Variants in ATP2C2 observed in about 807,000 individuals in gnomAD.
The protein encoded by ATP2C2 is calcium-transporting ATPase type 2C member 2.
In ATP2C2, 171 loss-of-function variants were observed where a neutral mutation model predicts 110.8. The observed-to-expected ratio is 1.54, with a 90% CI of 1.36 to 1.75. ATP2C2 has a LOEUF of 1.75. Ranked by LOEUF, ATP2C2 falls within the 40% of genes most tolerant of loss-of-function variation. The pLI is 0.00. For missense variants in ATP2C2, 1,963 were observed against 1,235.0 expected (o/e 1.59, Z -8.84); for synonymous variants, 804 against 508.4 (o/e 1.58, Z -7.82).
In ATP2C2 at chr16:84,423,235, A is replaced by G. The variant is rs753817918; in HGVS notation, c.891A>G (p.Gln297=). Residue 297 remains glutamine (Q), a synonymous_variant, in exon 10 of 27, where the codon CAA becomes CAG. Coordinates refer to ENST00000262429, the MANE Select transcript of ATP2C2 (RefSeq NM_014861.4). ...AAAGCATGGACAGGCTAGGAAAGCA[A>G]CTGACACTCTTCTCCTTTGGCATAA... ...LQKSMDRLGK[Q]LTLFSFGIIG... is the part of the protein sequence containing the mutation. The G allele has an allele frequency of 6.2e-7, 1 of 1,614,158 alleles. No individual in the cohort carries two copies. Among genetic ancestry groups the G allele is most frequent in the Non-Finnish European group, 8.5e-7 (1 of 1,180,014 alleles).
Position 84,416,181 on chromosome 16 carries a change from G to A in ATP2C2, c.624+590G>A, listed in dbSNP as rs2150534128. On this transcript the variant is annotated intron_variant, in intron 7 of 26. Coordinates refer to ENST00000262429, the MANE Select transcript of ATP2C2 (RefSeq NM_014861.4). Reference sequence around the variant, plus strand: ...AGAGCGAGAAGCACACGCTTTTAGAGTAGTGAGGTTTGGGGACATTGGCTG... The same window carrying A: ...AGAGCGAGAAGCACACGCTTTTAGAATAGTGAGGTTTGGGGACATTGGCTG... Among the ~76,000 whole-genome samples the A allele has an allele frequency of 2.0e-5, 3 of 152,284 alleles. No individual in the cohort carries two copies. The South Asian group carries it at 6.2e-4, about 32-fold the overall frequency.
chr16:84,452,687 C>T (rs531201525), intron 18 of ATP2C2, among the ~76,000 whole-genome samples: 38 of 151,974 alleles, frequency 2.5e-4, no homozygotes, highest in Non-Finnish European at 4.1e-4. Context: ...TTAGTAGAGA[C>T]GGGGTTTCAC....
chr16:84,461,337 A>T (rs1199156879), intron 24 of ATP2C2: 2 of 326,762 alleles, frequency 6.1e-6, no homozygotes, highest in South Asian at 4.3e-5. Context: ...CCCTGCCTCC[A>T]TTTTCCCTCC....
chr16:84,398,113 A>T (rs908506891), intron 1 of ATP2C2, among the ~76,000 whole-genome samples: 9 of 151,782 alleles, frequency 5.9e-5, no homozygotes, highest in Admixed American at 2.0e-4. Context: ...TTTAAAAAAA[A>T]CACATGTGGC....
In ATP2C2 at chr16:84,460,681, C is replaced by G. The variant is rs767058432; in HGVS notation, c.2361C>G (p.Asp787Glu). The G allele has an allele frequency of 1.4e-5, 23 of 1,614,126 alleles. No homozygotes were observed. In the South Asian group the frequency reaches 2.3e-4, roughly 16 times the overall value. Residue 787 changes from aspartate (D) to glutamate (E), a missense_variant, in exon 24 of 27, where the codon GAC becomes GAG. Physicochemically the swap from Asp to Glu is conservative, Grantham distance 45. Transcript: ENST00000262429. ...TGGGGGTAGAGCCCGTTGACAAAGA[C>G]GCCTTCAGGCAGCCACCACGGAGTG... ...QSLGVEPVDK[D>E]AFRQPPRSVR...
intron 1 of ATP2C2, among the ~76,000 whole-genome samples, chr16:84,398,088 G>A (rs1905101678): frequency 6.6e-6 from 1 of 151,800 alleles, no homozygotes; most frequent in Admixed American, 6.6e-5. Flanking sequence ...CACACTGTGT[G>A]TGTGTGTTTT....
chr16:84,450,361 C>A (rs1910146652), intron 17 of ATP2C2, among the ~76,000 whole-genome samples: 4 of 152,128 alleles, frequency 2.6e-5, no homozygotes, highest in Non-Finnish European at 1.5e-5. Flanking sequence ...TTAGAGAGGC[C>A]CCCAACCTGC....
chr16:84,455,065 GAT>G, intron 21 of ATP2C2, 81 bp downstream of exon 21: 1 of 1,245,828 alleles, frequency 8.0e-7, no homozygotes, highest in Non-Finnish European at 1.1e-6. Flanking sequence ...CTACTGTGGA[GAT>G]AGAGGGGGGG....
intron 1 of ATP2C2, among the ~76,000 whole-genome samples, chr16:84,369,948 T>C (rs1567679167): frequency 6.6e-6 from 1 of 152,246 alleles, no homozygotes. Context: ...TGTGATCCAT[T>C]TCTCTGCTTC....
At chr16:84,403,045 T>A (rs1273603749) in intron 2 of ATP2C2, among the ~76,000 whole-genome samples, 1 of 152,200 alleles carries the variant, frequency 6.6e-6, no homozygotes, top group Non-Finnish European at 1.5e-5. Context: ...ATCCATTTCT[T>A]CTATATTTTC....
At chr16:84,411,439 A>G (rs1160391334) in intron 6 of ATP2C2, among the ~76,000 whole-genome samples, 1 of 152,066 alleles carries the variant, frequency 6.6e-6, no homozygotes, top group Admixed American at 6.6e-5. Context: ...GCATCTGACA[A>G]TTCTTTTTTT....
intron 15 of ATP2C2, among the ~76,000 whole-genome samples, chr16:84,444,049 C>A (rs1297974914): frequency 3.3e-5 from 5 of 150,990 alleles, no homozygotes; most frequent in African/African-American, 1.2e-4. Context: ...TGCCTGTGGT[C>A]CCAGCTACTC....
chr16:84,397,815 A>G (rs1905087546), intron 1 of ATP2C2, among the ~76,000 whole-genome samples: 2 of 151,870 alleles, frequency 1.3e-5, no homozygotes, highest in Non-Finnish European at 2.9e-5. Context: ...TACTGTTGCT[A>G]CATGCATTCT....
chr16:84,423,373 C>A, intron 10 of ATP2C2, 110 bp downstream of exon 10: 1 of 1,039,272 alleles, frequency 9.6e-7, no homozygotes, highest in Non-Finnish European at 1.5e-6. Flanking sequence ...CTGCATAAGG[C>A]TTGGGGATTG....
At position 84,402,640 on chromosome 16, in the gene ATP2C2, T is replaced by A. The variant is rs748795502; in HGVS notation, c.211-2488T>A. 3.1e-4 allele frequency among the ~76,000 whole-genome samples: 47 copies of A among 152,222 alleles called. 1 individual carries two copies. Among genetic ancestry groups the A allele is most frequent in the African/African-American group, 1.1e-3 (46 of 41,454 alleles). ...ACCATCCTTGCACCCTTGGGATAAA[T>A]TCCTTTTGGTCATGATGAATTTTCA... On this transcript the variant is annotated intron_variant, in intron 2 of 26. Coordinates refer to ENST00000262429, the MANE Select transcript of ATP2C2 (RefSeq NM_014861.4).
chr16:84,431,097 C>A (rs748463375), intron 11 of ATP2C2, among the ~76,000 whole-genome samples: 1 of 152,018 alleles, frequency 6.6e-6, no homozygotes. Flanking sequence ...CTGGAGTTTT[C>A]TGGCTGGGGA....
At chr16:84,412,435 TGTATG>T (rs1906433594) in intron 6 of ATP2C2, among the ~76,000 whole-genome samples, 1 of 150,284 alleles carries the variant, frequency 6.7e-6, no homozygotes, top group Admixed American at 6.8e-5. Flanking sequence ...TGTGCGTGTG[TGTATG>T]CATGTGTGTG....
At chr16:84,412,490 G>C (rs1354561348) in intron 6 of ATP2C2, among the ~76,000 whole-genome samples, 1 of 141,306 alleles carries the variant, frequency 7.1e-6, no homozygotes, top group Non-Finnish European at 1.5e-5. Flanking sequence ...GTGTATGTGT[G>C]CATGTGTGTA....
At chr16:84,426,187 C>T (rs541460106) in intron 11 of ATP2C2, 157 of 201,970 alleles carry the variant, frequency 7.8e-4, no homozygotes, top group African/African-American at 3.3e-3. Context: ...CCAATCAAGG[C>T]GGAAGGGGAA....
Sources: allele counts gnomAD v4.1 joint callset (sites outside exome capture counted in the v4.1 genomes callset), GRCh38; gene constraint gnomAD v4.1.1; transcripts MANE v1.5; gene names NCBI Gene and HGNC (gene_info 2026-07-23, HGNC 2026-07-21).